The following CYP3A43 variants were observed in gnomAD, a reference collection of about 807,000 sequenced individuals.
CYP3A43 encodes cytochrome P450 3A43.
A neutral mutation model predicts 58.0 loss-of-function variants in CYP3A43; 45 were observed. The observed-to-expected ratio is 0.78, with a 90% CI of 0.61 to 0.99. The LOEUF is 0.99. Ranked by LOEUF, CYP3A43 falls within the 50% of genes least tolerant of loss-of-function variation. The pLI is 0.00. For missense variants in CYP3A43, 593 were observed against 591.9 expected, an observed-to-expected ratio of 1.00 and a Z score of -0.02; for synonymous variants, 191 against 201.4, an observed-to-expected ratio of 0.95 and a Z score of 0.44.
intron 9 of CYP3A43, among the ~76,000 whole-genome samples, chr7:99,858,713 G>T (rs1194531437): frequency 2.0e-5 from 3 of 148,100 alleles, no homozygotes; most frequent in African/African-American, 5.0e-5. Context: ...TATTATTTGA[G>T]ATGGAGTCTC....
At chr7:99,847,658 TAGTA>T in intron 5 of CYP3A43, 57 bp downstream of exon 5, 1 of 1,603,756 alleles carries the variant, frequency 6.2e-7, no homozygotes. Context: ...TGGAGACAGG[TAGTA>T]AGTATCATCA....
At chr7:99,835,770 C>T (rs936510415) in intron 1 of CYP3A43, among the ~76,000 whole-genome samples, 1 of 152,140 alleles carries the variant, frequency 6.6e-6, no homozygotes, top group Non-Finnish European at 1.5e-5. Flanking sequence ...GATTTCTCCC[C>T]TTTTAGTGTA....
intron 7 of CYP3A43, among the ~76,000 whole-genome samples, chr7:99,851,161 CT>C (rs1190012684): frequency 7.4e-6 from 1 of 135,626 alleles, no homozygotes; most frequent in Non-Finnish European, 1.5e-5. Context: ...AAGACCCCGT[CT>C]AAAAAAAAAA....
At chr7:99,833,325 G>T (rs774744570) in intron 1 of CYP3A43, among the ~76,000 whole-genome samples, 7 of 140,378 alleles carry the variant, frequency 5.0e-5, no homozygotes, top group East Asian at 1.9e-4. Flanking sequence ...TTTCGTGGGA[G>T]GGGGGAGATC....
At position 99,836,078 on chromosome 7, in the gene CYP3A43, C is replaced by T. The variant is rs1464935688; in HGVS notation, c.72-375C>T. On this transcript the variant is annotated intron_variant, in intron 1 of 12. Coordinates refer to ENST00000354829, the MANE Select transcript of CYP3A43 (RefSeq NM_057095.3). ...GCCGAAATCAATTATTCAGGCCCCA[C>T]CTGAGGAAAGGGAATGTCCATCCCC... is the stretch of plus-strand genomic sequence containing the variant. Among the ~76,000 whole-genome samples, 5 of 152,122 alleles carry T rather than the reference C, an allele frequency of 3.3e-5. 1 individual carries two copies. Among genetic ancestry groups the T allele is most frequent in the Admixed American group, 3.3e-4 (5 of 15,284 alleles).
chr7:99,844,821 A>C (rs1352173983), intron 4 of CYP3A43, among the ~76,000 whole-genome samples: 1 of 152,182 alleles, frequency 6.6e-6, no homozygotes, highest in Non-Finnish European at 1.5e-5. Flanking sequence ...CTATAATCCC[A>C]GCACTTTGGG....
intron 12 of CYP3A43, 120 bp from the exon 13 acceptor site, chr7:99,865,786 G>A: frequency 3.3e-6 from 2 of 606,624 alleles, no homozygotes; most frequent in Non-Finnish European, 5.4e-6. Context: ...GTATGGTGCT[G>A]AAAGTAGTTT....
chr7:99,838,676 G>A, intron 2 of CYP3A43: 1 of 1,288,380 alleles, frequency 7.8e-7, no homozygotes, highest in Non-Finnish European at 1.0e-6. Context: ...TTTTCCTTAA[G>A]AGGTCTCTGA....
At chr7:99,829,132 C>A (rs185448523) in intron 1 of CYP3A43, among the ~76,000 whole-genome samples, 184 of 152,322 alleles carry the variant, frequency 1.2e-3, no homozygotes, top group African/African-American at 3.4e-3. Flanking sequence ...GCCTCCAGCA[C>A]ATATGCATGT....
intron 4 of CYP3A43, among the ~76,000 whole-genome samples, chr7:99,846,103 A>G (rs1420699925): frequency 6.6e-6 from 1 of 152,176 alleles, no homozygotes; most frequent in African/African-American, 2.4e-5. Context: ...AAAATTCAGA[A>G]CAAGCTTGTC....
intron 1 of CYP3A43, among the ~76,000 whole-genome samples, chr7:99,834,405 CT>C (rs1354579341): frequency 1.3e-5 from 2 of 152,120 alleles, no homozygotes; most frequent in African/African-American, 4.8e-5. Context: ...GATTATGCCT[CT>C]TCTAGTTCTT....
intron 11 of CYP3A43, among the ~76,000 whole-genome samples, chr7:99,862,203 T>A (rs1262055989): frequency 6.6e-6 from 1 of 152,262 alleles, no homozygotes; most frequent in East Asian, 1.9e-4. Flanking sequence ...ATAATTCATT[T>A]CACCATAATG....
rs552872743 is a variant in CYP3A43 at position 99,834,549 on chromosome 7, C to G, written c.72-1904C>G. On this transcript the variant is annotated intron_variant, in intron 1 of 12. Coordinates refer to ENST00000354829, the MANE Select transcript of CYP3A43 (RefSeq NM_057095.3). ...CAGCAGCTGATATGCCTGTGCTCCACAGGTCCAATATAGGCCAGAGGGTGC... is the reference window on the plus strand; with the variant it reads ...CAGCAGCTGATATGCCTGTGCTCCAGAGGTCCAATATAGGCCAGAGGGTGC... 4.6e-5 allele frequency among the ~76,000 whole-genome samples: 7 copies of G among 152,338 alleles called. No homozygotes were observed. In the South Asian group the frequency reaches 1.5e-3, roughly 32 times the overall value.
intron 8 of CYP3A43, among the ~76,000 whole-genome samples, chr7:99,856,551 A>G (rs575326131): frequency 5.9e-5 from 9 of 152,368 alleles, no homozygotes; most frequent in East Asian, 3.9e-4. Context: ...CTCTTTGGCC[A>G]GGAAGTTGTG....
chr7:99,850,411 G>A (rs370421708), intron 7 of CYP3A43, among the ~76,000 whole-genome samples: 1 of 151,414 alleles, frequency 6.6e-6, no homozygotes, highest in Non-Finnish European at 1.5e-5. Flanking sequence ...ACAGGCATGC[G>A]CCACCACACC....
chr7:99,836,439 C>G lies in CYP3A43; in HGVS notation c.72-14C>G, dbSNP rs769081949. ...TACAATTTCTGTAACCTGGCTTTCT[C>G]TTTTATTTTATAGTTATGGGACCCA... On this transcript the variant is annotated splice_polypyrimidine_tract_variant and intron_variant, in intron 1 of 12. Transcript: ENST00000354829. The G allele has an allele frequency of 1.2e-6, 2 of 1,606,638 alleles. No homozygotes were observed. The highest frequency in any genetic ancestry group is 2.8e-5 in the African/African-American group (2 of 72,324).
At chr7:99,856,431 A>T (rs377251303) in intron 8 of CYP3A43, among the ~76,000 whole-genome samples, 2 of 152,358 alleles carry the variant, frequency 1.3e-5, no homozygotes, top group East Asian at 3.9e-4. Context: ...GATTATCCAG[A>T]GATTAATCTA....
intron 10 of CYP3A43, among the ~76,000 whole-genome samples, chr7:99,860,489 C>T (rs978691119): frequency 6.6e-6 from 1 of 152,190 alleles, no homozygotes; most frequent in Non-Finnish European, 1.5e-5. Context: ...CTGGGCCAAA[C>T]ATTTAACCTC....
At chr7:99,839,212 T>A (rs770653062) in intron 3 of CYP3A43, 40 bp downstream of exon 3, 2 of 1,609,576 alleles carry the variant, frequency 1.2e-6, no homozygotes, top group Non-Finnish European at 1.7e-6. Flanking sequence ...GAGCTGTTGC[T>A]ATGCTGAGTT....
Sources: gnomAD v4.1 joint callset for allele counts (sites outside exome capture counted in the v4.1 genomes callset) on GRCh38, gnomAD v4.1.1 for gene constraint, MANE v1.5 for transcripts, NCBI Gene and HGNC (gene_info 2026-07-23, HGNC 2026-07-21) for gene names.